The following LNPK variants were observed in gnomAD, a reference collection of about 807,000 sequenced individuals.
The protein encoded by LNPK is lunapark, ER junction formation factor, also known as endoplasmic reticulum junction formation protein lunapark.
LNPK carries 29 observed loss-of-function variants against 55.2 expected under a neutral mutation model. That is an observed-to-expected ratio of 0.53 (90% confidence interval 0.39 to 0.72). The LOEUF (loss-of-function observed/expected upper bound fraction) is 0.72, where lower values mean the gene tolerates loss of function less well. Among genes scored for constraint, LNPK ranks in the 30% least tolerant of loss-of-function variants. The pLI, the probability that LNPK is intolerant of heterozygous loss-of-function variation, is 0.00. For synonymous variants in LNPK, 162 were observed against 168.2 expected (o/e 0.96, Z 0.29); for missense variants, 467 against 494.8 (o/e 0.94, Z 0.53).
intron 12 of LNPK, among the ~76,000 whole-genome samples, chr2:175,935,410 C>G (rs753602276): frequency 2.0e-5 from 3 of 152,098 alleles, no homozygotes; most frequent in Non-Finnish European, 4.4e-5. Flanking sequence ...CACCGGGGTT[C>G]AAAACAAATG....
intron 8 of LNPK, among the ~76,000 whole-genome samples, chr2:175,957,534 C>A (rs909961475): frequency 9.9e-5 from 15 of 151,706 alleles, no homozygotes; most frequent in Non-Finnish European, 1.6e-4. Flanking sequence ...CAAATCAATT[C>A]TCCCTACTCT....
At chr2:175,988,826 T>C (rs559183897) in intron 4 of LNPK, among the ~76,000 whole-genome samples, 2 of 152,152 alleles carry the variant, frequency 1.3e-5, no homozygotes, top group African/African-American at 4.8e-5. Context: ...CAGGCTGGAG[T>C]GCAGTGGCGT....
intron 1 of LNPK, among the ~76,000 whole-genome samples, chr2:175,998,165 C>T (rs1443981358): frequency 2.0e-5 from 3 of 151,850 alleles, no homozygotes; most frequent in East Asian, 2.0e-4. Context: ...GTAAGCAGGC[C>T]GGGTGCGGTG....
chr2:175,999,673 C>A (rs532782330), intron 1 of LNPK, among the ~76,000 whole-genome samples: 1 of 152,194 alleles, frequency 6.6e-6, no homozygotes, highest in Non-Finnish European at 1.5e-5. Flanking sequence ...CAAGAACTCT[C>A]CCATGAACAT....
At chr2:175,938,217 AG>A in intron 11 of LNPK, 95 bp downstream of exon 11, 1 of 739,124 alleles carries the variant, frequency 1.4e-6, no homozygotes, top group Non-Finnish European at 2.3e-6. Flanking sequence ...GTATACAAAG[AG>A]AGTATATAAA....
chr2:175,959,365 T>A (rs1685884758), intron 8 of LNPK, among the ~76,000 whole-genome samples: 2 of 152,232 alleles, frequency 1.3e-5, no homozygotes, highest in South Asian at 4.1e-4. Context: ...TAACAGCAGA[T>A]CTCTCAGCAG....
chr2:175,979,744 T>C, intron 5 of LNPK, 66 bp downstream of exon 5: 1 of 1,290,708 alleles, frequency 7.7e-7, no homozygotes, highest in African/African-American at 1.5e-5. Context: ...TTACAACCTG[T>C]CTTACCAGCA....
Position 175,992,231 on chromosome 2 carries a change from A to C in LNPK, c.257T>G (p.Ile86Ser), listed in dbSNP as rs1225245321. Residue 86 changes from isoleucine to serine, a missense_variant and splice_region_variant, in exon 4 of 13, where the codon ATC becomes AGC. Ile to Ser is a moderately radical substitution (Grantham distance 142, BLOSUM62 -2). Coordinates refer to ENST00000272748, the MANE Select transcript of LNPK (RefSeq NM_030650.3). ...MTLPFFAFPL[I>S]IWSIRTVIIF... ...TCAACAAAAAGAATAATTTACTTAC[A>C]TCAATGGAAAAGCAAAAAATGGGAG... 1 of 1,549,720 alleles carries C rather than the reference A, an allele frequency of 6.5e-7. No homozygotes were observed. Among genetic ancestry groups the C allele is most frequent in the Non-Finnish European group, 8.6e-7 (1 of 1,156,774 alleles).
intron 9 of LNPK, among the ~76,000 whole-genome samples, chr2:175,944,441 T>C (rs756771937): frequency 1.3e-5 from 2 of 152,104 alleles, no homozygotes; most frequent in Non-Finnish European, 2.9e-5. Context: ...TCAAACATTA[T>C]GAATTGTAAC....
chr2:175,929,119 C>T lies in LNPK; in HGVS notation c.*848G>A. ...AGACTAGATATTTAGCAAAATGAAA[C>T]TGATGCCAGATTATTTTCATTTTCC... On this transcript the variant is annotated 3_prime_UTR_variant, in exon 13 of 13. Coordinates refer to ENST00000272748, the MANE Select transcript of LNPK (RefSeq NM_030650.3). The T allele has an allele frequency of 1.0e-6, 1 of 985,182 alleles. No homozygotes were observed. The highest frequency in any genetic ancestry group is 1.2e-6 in the Non-Finnish European group (1 of 829,448). The allele number at this position is 985,182 out of a possible 1,614,324, so 61.0% of individuals were successfully genotyped here.
intron 2 of LNPK, among the ~76,000 whole-genome samples, chr2:175,995,332 T>C (rs560769229): frequency 6.6e-6 from 1 of 152,190 alleles, no homozygotes; most frequent in East Asian, 1.9e-4. Context: ...AAATAATTCA[T>C]ACATCCAAGT....
At chr2:175,953,149 T>C (rs1005418611) in intron 8 of LNPK, among the ~76,000 whole-genome samples, 7 of 152,082 alleles carry the variant, frequency 4.6e-5, no homozygotes, top group South Asian at 2.1e-4. Flanking sequence ...TTACTACCAA[T>C]CTAGCTCTAC....
chr2:175,967,591 G>A (rs1686432943), intron 6 of LNPK: 1 of 952,682 alleles, frequency 1.0e-6, no homozygotes, highest in African/African-American at 1.8e-5. Context: ...CATTAACTTT[G>A]CAATTCAGAG....
At chr2:175,933,645 C>CTT (rs1416872224) in intron 12 of LNPK, among the ~76,000 whole-genome samples, 1 of 151,844 alleles carries the variant, frequency 6.6e-6, no homozygotes. Context: ...AAATTATAAC[C>CTT]ACTCATAATA....
At chr2:176,002,629 CA>C, upstream of LNPK, 1 of 184,680 alleles carries the variant, frequency 5.4e-6, no homozygotes, top group Non-Finnish European at 1.1e-5. Context: ...GTGGGGAGGA[CA>C]AAGGTTGGGG....
chr2:175,988,965 T>C (rs1373570578), intron 4 of LNPK, among the ~76,000 whole-genome samples: 2 of 152,172 alleles, frequency 1.3e-5, no homozygotes, highest in South Asian at 2.1e-4. Flanking sequence ...TTAGTAGAGA[T>C]GGGGTTTTAC....
chr2:175,949,246 G>A (rs182474275), intron 8 of LNPK, among the ~76,000 whole-genome samples: 2 of 152,124 alleles, frequency 1.3e-5, no homozygotes, highest in Admixed American at 1.3e-4. Context: ...AATTTCAGCT[G>A]TTACCTGAAC....
intron 4 of LNPK, among the ~76,000 whole-genome samples, chr2:175,981,671 C>T (rs192422775): frequency 2.6e-5 from 4 of 152,214 alleles, no homozygotes; most frequent in East Asian, 1.9e-4. Flanking sequence ...AAATGCCTAC[C>T]GAGCAGTGAG....
rs1032075966 is a variant in LNPK at position 175,929,635 on chromosome 2, T to C, written c.*332A>G. On this transcript the variant is annotated 3_prime_UTR_variant, in exon 13 of 13. Transcript: ENST00000272748. Reference sequence around the variant, plus strand: ...ACTCTTAACCAAAGTTCTTCCTATGTCAAAATGGATATTTACGGGTTATAC... The same window carrying C: ...ACTCTTAACCAAAGTTCTTCCTATGCCAAAATGGATATTTACGGGTTATAC... 3.6e-4 allele frequency: 373 copies of C among 1,042,926 alleles called. No homozygotes were observed. Among genetic ancestry groups the C allele is most frequent in the Non-Finnish European group, 4.1e-4 (359 of 867,134 alleles). 64.6% of individuals were successfully genotyped at this position (1,042,926 alleles called of 1,614,324 possible). A position where few individuals can be genotyped will look rare whatever the true frequency, so the allele number is the denominator to read the frequency against.
Sources: allele counts gnomAD v4.1 joint callset (sites outside exome capture counted in the v4.1 genomes callset), GRCh38; gene constraint gnomAD v4.1.1; transcripts MANE v1.5; gene names NCBI Gene and HGNC (gene_info 2026-07-23, HGNC 2026-07-21).